The following PIK3CB variants were observed in gnomAD, a reference collection of about 807,000 sequenced individuals.
The protein encoded by PIK3CB is phosphatidylinositol 4,5-bisphosphate 3-kinase catalytic subunit beta isoform.
In PIK3CB, 39 loss-of-function variants were observed where a neutral mutation model predicts 136.8. That is an observed-to-expected ratio of 0.29 (90% CI 0.22 to 0.37). The LOEUF (loss-of-function observed/expected upper bound fraction) is 0.37, where lower values mean the gene tolerates loss of function less well. Among genes scored for constraint, PIK3CB ranks in the 10% least tolerant of loss-of-function variants. PIK3CB has a pLI of 1.00. For missense variants in PIK3CB, 868 were observed against 1,275.4 expected, an observed-to-expected ratio of 0.68 and a Z score of 4.87; for synonymous variants, 428 against 436.6, an observed-to-expected ratio of 0.98 and a Z score of 0.25.
intron 19 of PIK3CB, among the ~76,000 whole-genome samples, chr3:138,669,400 C>G (rs2043483314): frequency 9.3e-6 from 1 of 106,984 alleles, no homozygotes; most frequent in African/African-American, 4.0e-5. Flanking sequence ...ACAGTGAGAC[C>G]CTGTTTCAAA....
chr3:138,784,770 A>T (rs2045957181), intron 2 of PIK3CB, among the ~76,000 whole-genome samples: 1 of 152,182 alleles, frequency 6.6e-6, no homozygotes, highest in African/African-American at 2.4e-5. Context: ...GCGTGATCTC[A>T]GCTCGCTATA....
At chr3:138,758,042 T>C (rs1305151869) in intron 3 of PIK3CB, among the ~76,000 whole-genome samples, 1 of 152,134 alleles carries the variant, frequency 6.6e-6, no homozygotes, top group Non-Finnish European at 1.5e-5. Flanking sequence ...ATATACAAAA[T>C]GTGGCATATA....
intron 1 of PIK3CB, chr3:138,796,989 ATATAC>A: frequency 6.6e-6 from 1 of 152,508 alleles, no homozygotes; most frequent in East Asian, 1.9e-4. Context: ...TGCAGCCAAA[ATATAC>A]TAGGAAGAGC....
In PIK3CB at chr3:138,683,044, T is replaced by C. The variant is rs76644883; in HGVS notation, c.2425+634A>G. 7.9e-5 allele frequency among the ~76,000 whole-genome samples: 12 copies of C among 152,302 alleles called. No individual in the cohort carries two copies. In the East Asian group the frequency reaches 2.3e-3, roughly 29 times the overall value. ...ATATTGCTATCACTGAAACAAGATG[T>C]ATGAATATATTACTGAAAATATCCT... On this transcript the variant is annotated intron_variant, in intron 18 of 23. Coordinates refer to ENST00000674063, the MANE Select transcript of PIK3CB (RefSeq NM_006219.3).
intron 9 of PIK3CB, among the ~76,000 whole-genome samples, chr3:138,713,921 A>G (rs1055516364): frequency 6.6e-6 from 1 of 152,170 alleles, no homozygotes; most frequent in African/African-American, 2.4e-5. Context: ...CTCATGTGAC[A>G]GCAAAAAGTG....
At chr3:138,757,800 A>G (rs1489275517) in intron 3 of PIK3CB, among the ~76,000 whole-genome samples, 2 of 152,134 alleles carry the variant, frequency 1.3e-5, no homozygotes, top group Non-Finnish European at 2.9e-5. Flanking sequence ...ACCCTTGTAC[A>G]CTGCTGGTCC....
intron 1 of PIK3CB, among the ~76,000 whole-genome samples, chr3:138,807,711 G>T (rs910737952): frequency 1.3e-5 from 2 of 151,982 alleles, no homozygotes; most frequent in African/African-American, 2.4e-5. Flanking sequence ...TGGGCAACAT[G>T]ACAAGATCTC....
chr3:138,817,840 G>A (rs1471357235), intron 1 of PIK3CB, among the ~76,000 whole-genome samples: 4 of 152,138 alleles, frequency 2.6e-5, no homozygotes, highest in Non-Finnish European at 2.9e-5. Flanking sequence ...TGCCTCCCGA[G>A]TCACCAGAGG....
At chr3:138,661,832 A>T (rs976381530) in intron 21 of PIK3CB, among the ~76,000 whole-genome samples, 6 of 152,130 alleles carry the variant, frequency 3.9e-5, no homozygotes, top group African/African-American at 1.4e-4. Context: ...CTAATGTGGG[A>T]ATTCCTAGGG....
chr3:138,723,262 G>A (rs917766510), intron 8 of PIK3CB, among the ~76,000 whole-genome samples: 8 of 152,072 alleles, frequency 5.3e-5, no homozygotes, highest in Admixed American at 6.5e-5. Context: ...TTTAAAGTAT[G>A]ATTTAAAACC....
chr3:138,752,700 C>T (rs570381841), intron 4 of PIK3CB, among the ~76,000 whole-genome samples: 99 of 151,174 alleles, frequency 6.5e-4, no homozygotes, highest in African/African-American at 2.2e-3. Context: ...TAGAGTGAGA[C>T]CTCGTCTCAA....
At chr3:138,693,969 TATATATA>T (rs1559819870) in intron 14 of PIK3CB, among the ~76,000 whole-genome samples, 3 of 46,484 alleles carry the variant, frequency 6.5e-5, no homozygotes, top group African/African-American at 2.8e-4. Flanking sequence ...ATATATATTA[TATATATA>T]TATATATATA....
At chr3:138,751,656 T>C (rs1395097776) in intron 4 of PIK3CB, among the ~76,000 whole-genome samples, 1 of 151,990 alleles carries the variant, frequency 6.6e-6, no homozygotes, top group Non-Finnish European at 1.5e-5. Flanking sequence ...AATTTATTCA[T>C]ACTAAAGAGG....
chr3:138,686,263 A>C (rs986084225), intron 16 of PIK3CB, among the ~76,000 whole-genome samples: 5 of 151,574 alleles, frequency 3.3e-5, no homozygotes, highest in Non-Finnish European at 7.4e-5. Context: ...ATATGGTGAA[A>C]CCTCCTCTCT....
chr3:138,766,087 A>G (rs2045729184), intron 2 of PIK3CB, among the ~76,000 whole-genome samples: 1 of 152,242 alleles, frequency 6.6e-6, no homozygotes, highest in Non-Finnish European at 1.5e-5. Context: ...CATGTGAAGA[A>G]GAGCATAAAA....
At chr3:138,746,779 C>G (rs926084505) in intron 4 of PIK3CB, among the ~76,000 whole-genome samples, 4 of 151,604 alleles carry the variant, frequency 2.6e-5, no homozygotes, top group Middle Eastern at 3.4e-3. Context: ...ATTGCTTTGT[C>G]ACATAACTTT....
At chr3:138,734,861 G>A in intron 6 of PIK3CB, 57 bp from the exon 7 acceptor site, 2 of 1,199,360 alleles carry the variant, frequency 1.7e-6, no homozygotes, top group Non-Finnish European at 2.3e-6. Flanking sequence ...TAAATCAATA[G>A]AATAAAATGA....
At chr3:138,669,436 G>GA (rs1359634057) in intron 19 of PIK3CB, among the ~76,000 whole-genome samples, 5 of 133,680 alleles carry the variant, frequency 3.7e-5, no homozygotes, top group African/African-American at 1.4e-4. Context: ...AGGGGGGGGG[G>GA]ATGTAAAATG....
At chr3:138,751,795 A>G (rs1480618155) in intron 4 of PIK3CB, among the ~76,000 whole-genome samples, 5 of 151,810 alleles carry the variant, frequency 3.3e-5, no homozygotes, top group African/African-American at 1.2e-4. Flanking sequence ...ATGTGGCAAA[A>G]CCCCATCTCT....
Sources: gnomAD v4.1 joint callset for allele counts (sites outside exome capture counted in the v4.1 genomes callset) on GRCh38, gnomAD v4.1.1 for gene constraint, MANE v1.5 for transcripts, NCBI Gene and HGNC (gene_info 2026-07-23, HGNC 2026-07-21) for gene names.